The following CWC22 variants were observed in gnomAD, a reference collection of about 807,000 sequenced individuals.
CWC22 encodes CWC22 spliceosome associated protein.
In CWC22, 53 loss-of-function variants were observed where a neutral mutation model predicts 117.2. That is an observed-to-expected ratio of 0.45 (90% CI 0.36 to 0.57). The LOEUF (loss-of-function observed/expected upper bound fraction) is 0.57, where lower values mean the gene tolerates loss of function less well. CWC22 is among the 20% of genes least tolerant of loss of function. The probability of loss-of-function intolerance (pLI) is 0.00; values close to 1 mark genes in which losing one functional copy is unlikely to be tolerated. For missense variants in CWC22, 980 were observed against 1,068.8 expected (o/e 0.92, Z 1.16); for synonymous variants, 360 against 355.6 (o/e 1.01, Z -0.14).
intron 14 of CWC22, among the ~76,000 whole-genome samples, chr2:179,957,603 T>C (rs1398576490): frequency 6.6e-6 from 1 of 152,214 alleles, no homozygotes; most frequent in Non-Finnish European, 1.5e-5. Context: ...TAAACATTTT[T>C]AAAGGCTTTG....
In CWC22 at chr2:180,002,719, G is replaced by T. The variant is rs564516496; in HGVS notation, c.-114+4148C>A. 3.2e-4 allele frequency among the ~76,000 whole-genome samples: 49 copies of T among 152,284 alleles called. 1 individual carries two copies. The South Asian group carries it at 0.01, about 32-fold the overall frequency. ...GTTTGGGACATACAGAAAGAAGTAG[G>T]TCTTGAAGCTGAGTCTTAAAGAACA... On this transcript the variant is annotated intron_variant, in intron 1 of 19. Coordinates refer to ENST00000410053, the MANE Select transcript of CWC22 (RefSeq NM_020943.3).
At chr2:179,954,142 A>T in intron 16 of CWC22, 63 bp downstream of exon 16, 1 of 1,289,398 alleles carries the variant, frequency 7.8e-7, no homozygotes, top group South Asian at 1.6e-5. Context: ...GCTAGCTTAT[A>T]CGAAAATCTA....
chr2:179,964,459 G>A, intron 13 of CWC22, 88 bp downstream of exon 13: 1 of 663,526 alleles, frequency 1.5e-6, no homozygotes, highest in Non-Finnish European at 2.6e-6. Context: ...CCAGTTTTCT[G>A]TTATGAGACC....
chr2:179,966,323 A>T (rs1292129607), intron 11 of CWC22, among the ~76,000 whole-genome samples: 1 of 152,214 alleles, frequency 6.6e-6, no homozygotes, highest in Non-Finnish European at 1.5e-5. Context: ...GAGTCAAAAT[A>T]TTGTTTCATC....
intron 3 of CWC22, among the ~76,000 whole-genome samples, chr2:179,988,181 T>TG (rs1250027247): frequency 6.6e-6 from 1 of 152,172 alleles, no homozygotes; most frequent in Non-Finnish European, 1.5e-5. Context: ...CTCTGGGGGT[T>TG]GGGGACCCCT....
chr2:179,978,411 T>C lies in CWC22; in HGVS notation c.453-93A>G, dbSNP rs1374905755. ...AAACTACATAGTGCTCCTTAATTTT[T>C]GACATTATTTTCATGAAACGACCCC... On this transcript the variant is annotated intron_variant, in intron 5 of 19. Transcript: ENST00000410053. 4.7e-6 allele frequency: 6 copies of C among 1,283,706 alleles called. No homozygotes were observed. The African/African-American group carries it at 9.2e-5, about 20-fold the overall frequency. 79.5% of individuals were successfully genotyped at this position (1,283,706 alleles called of 1,614,324 possible).
At chr2:180,005,519 T>G (rs923929045) in intron 1 of CWC22, among the ~76,000 whole-genome samples, 7 of 152,060 alleles carry the variant, frequency 4.6e-5, no homozygotes, top group Non-Finnish European at 7.4e-5. Context: ...GAGCTTGCAG[T>G]GAGCCGAGAT....
At chr2:179,971,996 T>C (rs1290709245) in intron 8 of CWC22, among the ~76,000 whole-genome samples, 1 of 152,180 alleles carries the variant, frequency 6.6e-6, no homozygotes, top group Non-Finnish European at 1.5e-5. Flanking sequence ...ATATCGAGTG[T>C]TTCATGGCAA....
intron 16 of CWC22, among the ~76,000 whole-genome samples, chr2:179,953,834 C>T (rs192289817): frequency 5.9e-4 from 89 of 152,106 alleles, no homozygotes; most frequent in Admixed American, 1.4e-3. Flanking sequence ...CCTCAGGAAT[C>T]AAGGGAGAGT....
At chr2:179,963,767 T>TAAA (rs1686821419) in intron 13 of CWC22, among the ~76,000 whole-genome samples, 2 of 152,210 alleles carry the variant, frequency 1.3e-5, no homozygotes, top group Non-Finnish European at 2.9e-5. Flanking sequence ...ATGTTCAGAC[T>TAAA]GAAAACAGAT....
At chr2:179,967,133 C>T (rs1362810171) in intron 11 of CWC22, among the ~76,000 whole-genome samples, 1 of 152,122 alleles carries the variant, frequency 6.6e-6, no homozygotes, top group African/African-American at 2.4e-5. Context: ...TGCTGTTTTC[C>T]CAAACGCTGT....
intron 2 of CWC22, among the ~76,000 whole-genome samples, chr2:179,990,283 T>A (rs1339761366): frequency 2.6e-5 from 4 of 152,196 alleles, no homozygotes; most frequent in Middle Eastern, 3.2e-3. Context: ...CATAGGTTTC[T>A]ATAAAACTTC....
In CWC22 at chr2:179,981,831, G is replaced by A. The variant is rs1179925690; in HGVS notation, c.373C>T (p.Leu125Phe). 6.2e-7 allele frequency: 1 copy of A among 1,613,772 alleles called. No homozygotes were observed. The highest frequency in any genetic ancestry group is 8.5e-7 in the Non-Finnish European group (1 of 1,179,868). The change falls in exon 5 of 20, where the codon CTT becomes TTT. Residue 125 changes from leucine to phenylalanine, a missense_variant. Coordinates refer to ENST00000410053, the MANE Select transcript of CWC22 (RefSeq NM_020943.3). ...TKKKKDELDP[L>F]LTRTGGAYIP... ...TATGCTCCACCAGTGCGAGTAAGAAGAGGATCCAGCTCATCTTTCTTTTTC... is the reference window on the plus strand; with the variant it reads ...TATGCTCCACCAGTGCGAGTAAGAAAAGGATCCAGCTCATCTTTCTTTTTC...
intron 1 of CWC22, among the ~76,000 whole-genome samples, chr2:180,003,096 T>C (rs796354023): frequency 8.5e-5 from 13 of 152,302 alleles, no homozygotes; most frequent in African/African-American, 2.9e-4. Context: ...TGTCAACTTG[T>C]TCATCAAGGA....
intron 17 of CWC22, 97 bp from the exon 18 acceptor site, chr2:179,951,023 C>T (rs773367019): frequency 1.6e-5 from 12 of 744,534 alleles, no homozygotes; most frequent in Non-Finnish European, 2.6e-5. Context: ...TATTAAATTA[C>T]TAAATGAAAT....
intron 1 of CWC22, among the ~76,000 whole-genome samples, 200 bp downstream of exon 1, chr2:180,006,667 G>A (rs1687984997): frequency 6.6e-6 from 1 of 152,104 alleles, no homozygotes; most frequent in Admixed American, 6.5e-5. Context: ...CCACTCCCCT[G>A]ACCCTGGGAC....
At chr2:179,966,579 T>G (rs1244356119) in intron 11 of CWC22, among the ~76,000 whole-genome samples, 1 of 152,168 alleles carries the variant, frequency 6.6e-6, no homozygotes, top group Non-Finnish European at 1.5e-5. Flanking sequence ...TTAAGACAAC[T>G]GGTAAGACAA....
chr2:179,973,588 A>T, intron 7 of CWC22, 46 bp downstream of exon 7: 1 of 1,200,238 alleles, frequency 8.3e-7, no homozygotes, highest in Non-Finnish European at 1.2e-6. Context: ...CTGGTTTGTT[A>T]GTTTGTTCCT....
intron 1 of CWC22, among the ~76,000 whole-genome samples, chr2:179,998,845 G>A (rs572638515): frequency 5.3e-4 from 80 of 152,192 alleles, no homozygotes; most frequent in Middle Eastern, 3.4e-3. Flanking sequence ...AAGATTTAGC[G>A]TTTTCCTTTG....
Sources: gnomAD v4.1 joint callset for allele counts (sites outside exome capture counted in the v4.1 genomes callset) on GRCh38, gnomAD v4.1.1 for gene constraint, MANE v1.5 for transcripts, NCBI Gene and HGNC (gene_info 2026-07-23, HGNC 2026-07-21) for gene names.